Variants in KIAA0825 observed in about 807,000 individuals in gnomAD.
KIAA0825 encodes uncharacterized protein KIAA0825.
In KIAA0825, 119 loss-of-function variants were observed where a neutral mutation model predicts 147.6. The observed-to-expected ratio is 0.81, with a 90% CI of 0.69 to 0.94. The LOEUF (loss-of-function observed/expected upper bound fraction) is 0.94, where lower values mean the gene tolerates loss of function less well. KIAA0825 is among the 40% of genes least tolerant of loss of function. KIAA0825 has a pLI of 0.00. For missense variants in KIAA0825, 1,381 were observed against 1,472.7 expected (o/e 0.94, Z 1.02); for synonymous variants, 470 against 518.1 (o/e 0.91, Z 1.26).
At chr5:94,312,734 T>G (rs538044434) in intron 20 of KIAA0825, among the ~76,000 whole-genome samples, 168 of 151,866 alleles carry the variant, frequency 1.1e-3, no homozygotes, top group Non-Finnish European at 1.7e-3. Flanking sequence ...CTTTTCATTC[T>G]AAAAATTTGT....
At chr5:94,438,168 G>T (rs1715753728) in intron 14 of KIAA0825, among the ~76,000 whole-genome samples, 1 of 152,160 alleles carries the variant, frequency 6.6e-6, no homozygotes, top group African/African-American at 2.4e-5. Context: ...GAAAGCTCTG[G>T]CTGGGTACAA....
chr5:94,444,903 T>A (rs953125290), intron 13 of KIAA0825, among the ~76,000 whole-genome samples: 9 of 152,104 alleles, frequency 5.9e-5, no homozygotes, highest in African/African-American at 1.9e-4. Context: ...AAGAACTACC[T>A]GAGACTGGGT....
intron 10 of KIAA0825, 142 bp downstream of exon 10, chr5:94,469,819 T>C: frequency 1.6e-6 from 1 of 625,464 alleles, no homozygotes; most frequent in Non-Finnish European, 2.5e-6. Context: ...TTCCTAAGTA[T>C]GAATTCAATA....
chr5:94,401,672 T>C (rs1751393489), intron 16 of KIAA0825, among the ~76,000 whole-genome samples: 1 of 152,134 alleles, frequency 6.6e-6, no homozygotes, highest in African/African-American at 2.4e-5. Flanking sequence ...GAGATTTTAG[T>C]GAAGTTTAAT....
intron 20 of KIAA0825, among the ~76,000 whole-genome samples, chr5:94,271,506 G>A (rs1776984346): frequency 1.3e-5 from 2 of 152,192 alleles, no homozygotes; most frequent in South Asian, 2.1e-4. Context: ...CTAACACTTT[G>A]AGAGGCCAAG....
At chr5:94,495,282 T>C (rs72771687) in intron 5 of KIAA0825, among the ~76,000 whole-genome samples, 8,448 of 152,272 alleles carry the variant, frequency 0.055, 319 homozygotes, top group Non-Finnish European at 0.087. Context: ...GTAAATTTTA[T>C]AGTTAATCTT....
chr5:94,294,658 G>A (rs1313980987), intron 20 of KIAA0825, among the ~76,000 whole-genome samples: 6 of 152,172 alleles, frequency 3.9e-5, no homozygotes, highest in Non-Finnish European at 5.9e-5. Context: ...CTGTGGAGGT[G>A]GAGGTTGCAG....
rs574521059 is a variant in KIAA0825, at chr5:94,443,845, T to C, written c.2358-3724A>G. Among the ~76,000 whole-genome samples the C allele has an allele frequency of 2.6e-5, 4 of 152,304 alleles. No individual in the cohort carries two copies. In the East Asian group the frequency reaches 5.8e-4, roughly 22 times the overall value. On this transcript the variant is annotated intron_variant, in intron 13 of 20. Transcript: ENST00000682413. The stretch of plus-strand genomic sequence containing the variant: ...GAAGGCTCTGCAGTAGGGTTCACAC[T>C]GGGATATGAGTAGCCTTATTGCTCA...
intron 1 of KIAA0825, among the ~76,000 whole-genome samples, chr5:94,600,843 C>G (rs1285234248): frequency 6.6e-6 from 1 of 152,162 alleles, no homozygotes; most frequent in East Asian, 1.9e-4. Context: ...ATCTGTTTCT[C>G]CTCACTGGAT....
chr5:94,315,026 G>A (rs1330618720), intron 20 of KIAA0825, among the ~76,000 whole-genome samples: 1 of 151,558 alleles, frequency 6.6e-6, no homozygotes, highest in Non-Finnish European at 1.5e-5. Flanking sequence ...ATGGTAACAG[G>A]CAATAGCTAG....
intron 2 of KIAA0825, among the ~76,000 whole-genome samples, chr5:94,550,771 G>A (rs1207620677): frequency 6.6e-6 from 1 of 151,850 alleles, no homozygotes; most frequent in African/African-American, 2.4e-5. Context: ...GAGCCCGGGA[G>A]GCGGAGCTTG....
chr5:94,328,285 A>T (rs1780910020), intron 20 of KIAA0825, among the ~76,000 whole-genome samples: 1 of 152,180 alleles, frequency 6.6e-6, no homozygotes, highest in South Asian at 2.1e-4. Flanking sequence ...ATTTATGTGT[A>T]ATTATAAAAA....
rs908099029 is a variant in KIAA0825 at position 94,504,423 on chromosome 5, T to C, written c.970+15825A>G. 1.8e-4 allele frequency among the ~76,000 whole-genome samples: 28 copies of C among 152,310 alleles called. 1 individual carries two copies. The highest frequency in any genetic ancestry group is 6.5e-4 in the African/African-American group (27 of 41,566). On this transcript the variant is annotated intron_variant, in intron 5 of 20. Transcript: ENST00000682413. ...TTTTATCAAAGTGAAACTTAAATGC[T>C]TGGAACTCCCTTGAAGGCTAGAACA...
chr5:94,573,869 A>G (rs995957600), intron 2 of KIAA0825, among the ~76,000 whole-genome samples: 3 of 152,184 alleles, frequency 2.0e-5, no homozygotes, highest in African/African-American at 7.2e-5. Flanking sequence ...GTCATGATAT[A>G]TAGAGTTAAA....
At chr5:94,460,584 C>G (rs1759696726) in intron 12 of KIAA0825, among the ~76,000 whole-genome samples, 1 of 151,988 alleles carries the variant, frequency 6.6e-6, no homozygotes, top group African/African-American at 2.4e-5. Flanking sequence ...TACTTTTCAC[C>G]AATTCCTCAA....
intron 20 of KIAA0825, among the ~76,000 whole-genome samples, chr5:94,374,665 C>G (rs1324735926): frequency 6.6e-6 from 1 of 152,144 alleles, no homozygotes; most frequent in African/African-American, 2.4e-5. Flanking sequence ...TAGTGGGTGA[C>G]TTTAGCTCCA....
chr5:94,452,569 C>T (rs1009782297), intron 13 of KIAA0825, among the ~76,000 whole-genome samples: 2 of 152,166 alleles, frequency 1.3e-5, no homozygotes, highest in African/African-American at 4.8e-5. Context: ...AAAGATCCTA[C>T]TCATAATTTA....
At chr5:94,302,619 T>C (rs1015119568) in intron 20 of KIAA0825, among the ~76,000 whole-genome samples, 2 of 152,176 alleles carry the variant, frequency 1.3e-5, no homozygotes, top group African/African-American at 4.8e-5. Flanking sequence ...TTTTTCTCTT[T>C]GCCTTGGATT....
intron 12 of KIAA0825, among the ~76,000 whole-genome samples, chr5:94,456,998 T>C (rs1229873118): frequency 1.3e-5 from 2 of 152,216 alleles, no homozygotes; most frequent in Non-Finnish European, 2.9e-5. Flanking sequence ...TTTCTGCCAG[T>C]ACCTAAACTG....
Sources: gnomAD v4.1 joint callset for allele counts (sites outside exome capture counted in the v4.1 genomes callset) on GRCh38, gnomAD v4.1.1 for gene constraint, MANE v1.5 for transcripts, NCBI Gene and HGNC (gene_info 2026-07-23, HGNC 2026-07-21) for gene names.